Variants in ZFR2 observed in about 807,000 individuals in gnomAD.
ZFR2 encodes the protein zinc finger RNA-binding protein 2.
In ZFR2, 104 loss-of-function variants were observed where a neutral mutation model predicts 105.7. The observed-to-expected ratio is 0.98, with a 90% CI of 0.84 to 1.16. The LOEUF (loss-of-function observed/expected upper bound fraction) is 1.16. Among genes scored for constraint, ZFR2 ranks in the 50% most tolerant of loss-of-function variants. The pLI, the probability that ZFR2 is intolerant of heterozygous loss-of-function variation, is 0.00. For synonymous variants in ZFR2, 634 were observed against 597.7 expected (o/e 1.06, Z -0.89); for missense variants, 1,425 against 1,355.5 (o/e 1.05, Z -0.80).
rs1244870480 is a variant in ZFR2 at position 3,821,408 on chromosome 19, G to C, written c.1563C>G (p.Arg521=). Residue 521 remains arginine (R), a synonymous_variant, in exon 10 of 19, where the codon CGC becomes CGG. Transcript: ENST00000262961. ...CCGCCAGGTGCCGCTGCTTCCTCAT[G>C]CGCTCCTCCAGGACCTTCCGAGCCC... ...SSRARKVLEE[R]MRKQRHLAEE... 8 of 1,611,976 alleles carry C rather than the reference G, an allele frequency of 5.0e-6. No individual in the cohort carries two copies. The highest frequency in any genetic ancestry group is 5.9e-6 in the Non-Finnish European group (7 of 1,179,446).
At chr19:3,852,723 A>T in intron 1 of ZFR2, 1 of 641,086 alleles carries the variant, frequency 1.6e-6, no homozygotes, top group South Asian at 1.8e-5. Flanking sequence ...GAGCTGAGCC[A>T]GCAAAAACAC....
rs1052700563 is a variant in ZFR2, at chr19:3,813,160, A to G, written c.2242+660T>C. On this transcript the variant is annotated intron_variant, in intron 14 of 18. Transcript: ENST00000262961. This position sits in a 1 kb window ranked among gnomAD's most constrained non-coding sequence, Gnocchi z 4.4. ...CATGGCCCTCAGTTATGACCAAAAA[A>G]GATTACGAAGGGGGTAAAAGATGAT... Among the ~76,000 whole-genome samples, 6 of 152,226 alleles carry G rather than the reference A, an allele frequency of 3.9e-5. No homozygotes were observed. Among genetic ancestry groups the G allele is most frequent in the African/African-American group, 7.2e-5 (3 of 41,458 alleles).
Position 3,825,123 on chromosome 19 carries a change from C to G in ZFR2, c.1213+107G>C, listed in dbSNP as rs1053838068. Reference sequence around the variant, plus strand: ...CACCAGCCAGCCCCTCACCACCCCCCGGGAAGACATGACGAAAATCGACTG... The same window carrying G: ...CACCAGCCAGCCCCTCACCACCCCCGGGGAAGACATGACGAAAATCGACTG... On this transcript the variant is annotated intron_variant, in intron 7 of 18. Coordinates refer to ENST00000262961, the MANE Select transcript of ZFR2 (RefSeq NM_015174.2). The G allele has an allele frequency of 1.5e-5, 20 of 1,324,630 alleles. No individual in the cohort carries two copies. The Admixed American group carries it at 4.7e-4, about 31-fold the overall frequency. 82.1% of individuals were successfully genotyped at this position (1,324,630 alleles called of 1,614,324 possible). A position where few individuals can be genotyped will look rare whatever the true frequency, so the allele number is the denominator to read the frequency against.
In ZFR2 at chr19:3,821,415, T is replaced by A; in HGVS notation, c.1556A>T (p.Glu519Val). ...GTGCCGCTGCTTCCTCATGCGCTCC[T>A]CCAGGACCTTCCGAGCCCGGCTGCT... ...EPSSRARKVL[E>V]ERMRKQRHLA... Residue 519 changes from glutamate to valine, a missense_variant, in exon 10 of 19, where the codon GAG (glutamate) becomes GTG (valine). Physicochemically the swap from Glu to Val is moderately radical, Grantham distance 121 (BLOSUM62 -2). Transcript: ENST00000262961. 1 of 1,611,204 alleles carries A rather than the reference T, an allele frequency of 6.2e-7. No individual in the cohort carries two copies. Among genetic ancestry groups the A allele is most frequent in the Non-Finnish European group, 8.5e-7 (1 of 1,178,762 alleles).
At position 3,858,243 on chromosome 19, in the gene ZFR2, C is replaced by T. The variant is rs2038331012; in HGVS notation, c.53+10722G>A. Among the ~76,000 whole-genome samples the T allele has an allele frequency of 1.3e-5, 2 of 152,092 alleles. No individual in the cohort carries two copies. The highest frequency in any genetic ancestry group is 2.4e-5 in the African/African-American group (1 of 41,414). On this transcript the variant is annotated intron_variant, in intron 1 of 18. Transcript: ENST00000262961. This position sits in a 1 kb window ranked among gnomAD's most constrained non-coding sequence, Gnocchi z 4.3. ...TGTAGGGCCATGCTCTTGCTTGCTC[C>T]GAAGAGACGGAGCAGGCTTAGGTGT...
intron 5 of ZFR2, among the ~76,000 whole-genome samples, chr19:3,829,265 A>G (rs2037985247): frequency 6.6e-6 from 1 of 151,570 alleles, no homozygotes; most frequent in African/African-American, 2.4e-5. Context: ...CCCAGCCTGG[A>G]ATTTAGCAGT....
intron 5 of ZFR2, among the ~76,000 whole-genome samples, chr19:3,829,840 C>T (rs1348013123): frequency 6.6e-6 from 1 of 152,160 alleles, no homozygotes; most frequent in Admixed American, 6.6e-5. Context: ...GCACTTTTGG[C>T]GTATACTGCA....
At chr19:3,828,137 C>T (rs1174650711) in intron 5 of ZFR2, among the ~76,000 whole-genome samples, 3 of 149,942 alleles carry the variant, frequency 2.0e-5, no homozygotes, top group East Asian at 2.0e-4. Context: ...TTACTATAGA[C>T]GTCTCAAATT....
intron 1 of ZFR2, among the ~76,000 whole-genome samples, chr19:3,865,340 G>A (rs747989586): frequency 6.6e-6 from 1 of 151,972 alleles, no homozygotes; most frequent in Non-Finnish European, 1.5e-5. Flanking sequence ...CAGGGCTACG[G>A]TTATCATTTT....
rs1314081022 is a variant in ZFR2 at position 3,831,405 on chromosome 19, C to T, written c.750G>A (p.Ser250=). The stretch of plus-strand genomic sequence containing the variant: ...GCAGCTTGCTGGGAAGCGGTGGCTT[C>T]GAGTCGGCCCTGGGGCTGCTTCCTG... ...AGSGSSPRAD[S]KPPLPSKLPR... Residue 250 remains serine (S), a synonymous_variant, in exon 5 of 19, where the codon TCG becomes TCA. Coordinates refer to ENST00000262961, the MANE Select transcript of ZFR2 (RefSeq NM_015174.2). 7.7e-6 allele frequency: 12 copies of T among 1,555,236 alleles called. No homozygotes were observed. The highest frequency in any genetic ancestry group is 6.8e-5 in the African/African-American group (5 of 73,346).
intron 11 of ZFR2, 33 bp from the exon 12 acceptor site, chr19:3,819,268 T>C: frequency 6.8e-7 from 1 of 1,474,244 alleles, no homozygotes; most frequent in African/African-American, 1.4e-5. Context: ...TCAAGGGTGG[T>C]CTGTGGGGAC....
At chr19:3,853,167 A>G (rs1013710287) in intron 1 of ZFR2, among the ~76,000 whole-genome samples, 5 of 152,176 alleles carry the variant, frequency 3.3e-5, no homozygotes, top group Admixed American at 1.3e-4. Context: ...GCTGGGGACT[A>G]GGGATTAGAG....
At position 3,827,561 on chromosome 19, in the gene ZFR2, CA is replaced by C; in HGVS notation, c.944del (p.Val315GlyfsTer112). Reference sequence around the variant, plus strand: ...ACAGGTCGCAATGCAGCTGCGCCTGCACCCCGCGCGGGCTCCCGTTGGGCTG... The same window carrying C: ...ACAGGTCGCAATGCAGCTGCGCCTGCCCCCGCGCGGGCTCCCGTTGGGCTG... ...GVQPNGSPRG[V>X]QAQLHCDLCA... On this transcript the variant is annotated frameshift_variant, in exon 6 of 19. Coordinates refer to ENST00000262961, the MANE Select transcript of ZFR2 (RefSeq NM_015174.2). LOFTEE classifies it high-confidence loss of function. The C allele has an allele frequency of 6.4e-7, 1 of 1,565,420 alleles. No homozygotes were observed. Among genetic ancestry groups the C allele is most frequent in the Admixed American group, 1.9e-5 (1 of 53,008 alleles).
intron 1 of ZFR2, among the ~76,000 whole-genome samples, chr19:3,839,893 A>G (rs1232807656): frequency 1.3e-5 from 2 of 152,180 alleles, no homozygotes; most frequent in African/African-American, 4.8e-5. Context: ...TTTGTTGCCC[A>G]GGCTGGATGG....
At chr19:3,843,268 C>T (rs1159196825) in intron 1 of ZFR2, among the ~76,000 whole-genome samples, 5 of 150,756 alleles carry the variant, frequency 3.3e-5, no homozygotes, top group African/African-American at 4.9e-5. Context: ...GTCAGGAGGT[C>T]GGGACCAGCC....
At chr19:3,832,629 T>G (rs965805986) in intron 3 of ZFR2, among the ~76,000 whole-genome samples, 92 of 102,008 alleles carry the variant, frequency 9.0e-4, no homozygotes, top group East Asian at 3.0e-3. Flanking sequence ...CTTTATTTTG[T>G]TTTTTTTTTT....
At chr19:3,814,069 C>T (rs1043316525) in intron 13 of ZFR2, 111 bp from the exon 14 acceptor site, 1 of 1,487,730 alleles carries the variant, frequency 6.7e-7, no homozygotes, top group Admixed American at 2.2e-5. Context: ...GCCTCCCACA[C>T]TTGCTGCCTG....
intron 1 of ZFR2, among the ~76,000 whole-genome samples, chr19:3,860,576 G>C (rs1422198634): frequency 2.0e-5 from 3 of 152,138 alleles, no homozygotes; most frequent in African/African-American, 7.2e-5. Context: ...CTGCTGAGAA[G>C]GAACATGGTC....
rs1349123067 is a variant in ZFR2 at position 3,806,143 on chromosome 19, C to A, written c.2644-18G>T. 13 of 1,410,356 alleles carry A rather than the reference C, an allele frequency of 9.2e-6. No homozygotes were observed. In the South Asian group the frequency reaches 1.8e-4, roughly 20 times the overall value. 87.4% of individuals were successfully genotyped at this position (1,410,356 alleles called of 1,614,324 possible). A position where few individuals can be genotyped will look rare whatever the true frequency, so the allele number is the denominator to read the frequency against. ...AGGGCGTGCTGCGGGGCACACACAG[C>A]CTGTCAGGACCCCCGCCCGCTCTGC... On this transcript the variant is annotated intron_variant, in intron 18 of 18. Coordinates refer to ENST00000262961, the MANE Select transcript of ZFR2 (RefSeq NM_015174.2).
Sources: allele counts gnomAD v4.1 joint callset (sites outside exome capture counted in the v4.1 genomes callset), GRCh38; gene constraint gnomAD v4.1.1; non-coding constraint Gnocchi (gnomAD v3.1); transcripts MANE v1.5; gene names NCBI Gene and HGNC (gene_info 2026-07-23, HGNC 2026-07-21).